The following FAM83D variants were observed in gnomAD, a reference collection of about 807,000 sequenced individuals.
FAM83D encodes scaffolding CK1 anchoring protein D.
Under a neutral mutation model 25.4 loss-of-function variants are expected in FAM83D, and 26 were observed. That is an observed-to-expected ratio of 1.02 (90% confidence interval 0.75 to 1.42). The LOEUF is 1.42. Ranked by LOEUF, FAM83D falls within the 40% of genes most tolerant of loss-of-function variation. The pLI is 0.00. For missense variants in FAM83D, 740 were observed against 758.1 expected (o/e 0.98, Z 0.28); for synonymous variants, 310 against 318.5 (o/e 0.97, Z 0.28).
Position 38,943,422 on chromosome 20 carries a change from G to C in FAM83D, c.651+1296G>C, listed in dbSNP as rs529744844. On this transcript the variant is annotated intron_variant, in intron 2 of 3. Transcript: ENST00000619850. The stretch of plus-strand genomic sequence containing the variant: ...TTTTAGACCAGGAAATAGTGACACA[G>C]AGAATCCAAGTGTCCACCACTTCAA... Among the ~76,000 whole-genome samples the C allele has an allele frequency of 1.7e-3, 257 of 152,324 alleles. 1 individual carries two copies. The highest frequency in any genetic ancestry group is 5.8e-3 in the African/African-American group (243 of 41,554).
At chr20:38,943,079 C>T (rs1474067980) in intron 2 of FAM83D, among the ~76,000 whole-genome samples, 1 of 150,446 alleles carries the variant, frequency 6.6e-6, no homozygotes, top group African/African-American at 2.5e-5. Context: ...GGCTGGAGTA[C>T]AGTGGCCCAA....
intron 1 of FAM83D, among the ~76,000 whole-genome samples, chr20:38,927,225 C>CT (rs757386573): frequency 5.9e-5 from 9 of 152,300 alleles, no homozygotes; most frequent in Admixed American, 3.3e-4. Flanking sequence ...CAGAAGTACT[C>CT]TGAGTTCCAA....
chr20:38,946,197 C>CAAAA (rs56740383), intron 2 of FAM83D, among the ~76,000 whole-genome samples: 22 of 78,494 alleles, frequency 2.8e-4, no homozygotes, highest in Non-Finnish European at 4.6e-4. Context: ...GACTCCACCT[C>CAAAA]AAAAAAAAAA....
At chr20:38,941,894 A>G in intron 1 of FAM83D, 65 bp from the exon 2 acceptor site, 1 of 1,526,572 alleles carries the variant, frequency 6.6e-7, no homozygotes, top group East Asian at 2.3e-5. Flanking sequence ...TCCAGAGTCC[A>G]GAGAGCGTGC....
Position 38,951,815 on chromosome 20 carries a change from CGCAGAGGGCAAG to C in FAM83D, c.1060_1071del (p.Gly354_Glu357del). ...AGGCGGACCTGGACCCAGAGATGCCCGCAGAGGGCAAGGCAGAGCGCAAGCCCCATGACTGTG... is the reference window on the plus strand; with the variant it reads ...AGGCGGACCTGGACCCAGAGATGCCCGCAGAGCGCAAGCCCCATGACTGTG... On this transcript the variant is annotated inframe_deletion, in exon 4 of 4. Transcript: ENST00000619850. 1 of 1,614,170 alleles carries C rather than the reference CGCAGAGGGCAAG, an allele frequency of 6.2e-7. No homozygotes were observed. Among genetic ancestry groups the C allele is most frequent in the Non-Finnish European group, 8.5e-7 (1 of 1,180,030 alleles).
chr20:38,926,567 G>A lies in FAM83D; in HGVS notation c.125G>A (p.Gly42Asp), dbSNP rs2085635456. Reference sequence around the variant, plus strand: ...CTGGCTCTGGAGGAGCTGGTGGCGGGCGGCCCCGAAGCCTTCGCGGCCTTC... The same window carrying A: ...CTGGCTCTGGAGGAGCTGGTGGCGGACGGCCCCGAAGCCTTCGCGGCCTTC... ...RRLALEELVA[G>D]GPEAFAAFLR... Residue 42 changes from glycine (G) to aspartate (D), a missense_variant, in exon 1 of 4, where the codon GGC becomes GAC. Transcript: ENST00000619850. 2 of 1,566,362 alleles carry A rather than the reference G, an allele frequency of 1.3e-6. No individual in the cohort carries two copies. Among genetic ancestry groups the A allele is most frequent in the Middle Eastern group, 1.7e-4 (1 of 6,006 alleles).
At chr20:38,929,138 C>A (rs2085648501) in intron 1 of FAM83D, among the ~76,000 whole-genome samples, 1 of 149,560 alleles carries the variant, frequency 6.7e-6, no homozygotes, top group African/African-American at 2.5e-5. Context: ...GATCACACCA[C>A]TGGACTCCAG....
chr20:38,936,782 G>C (rs1489626089), intron 1 of FAM83D, among the ~76,000 whole-genome samples: 4 of 152,106 alleles, frequency 2.6e-5, no homozygotes, highest in Non-Finnish European at 5.9e-5. Flanking sequence ...ATGGGGTTTT[G>C]AAATTTCTAG....
chr20:38,930,909 T>G (rs1248826443), intron 1 of FAM83D, among the ~76,000 whole-genome samples: 2 of 152,232 alleles, frequency 1.3e-5, no homozygotes, highest in Non-Finnish European at 2.9e-5. Context: ...ATGCTGGGAT[T>G]ACAGGCGTGA....
At chr20:38,950,977 G>T (rs1262452138) in intron 3 of FAM83D, among the ~76,000 whole-genome samples, 1 of 152,002 alleles carries the variant, frequency 6.6e-6, no homozygotes, top group Non-Finnish European at 1.5e-5. Flanking sequence ...GCACCACCAC[G>T]CCTGGCTAAT....
Position 38,952,569 on chromosome 20 carries a change from C to T in FAM83D, c.*49C>T. On this transcript the variant is annotated 3_prime_UTR_variant, in exon 4 of 4. Transcript: ENST00000619850. ...TTTCTTCCAGGCTTACAGTGGACAT[C>T]ATCAGCTTCCTGCTTTAAAAAATAT... The T allele has an allele frequency of 6.5e-7, 1 of 1,549,622 alleles. No individual in the cohort carries two copies.
At chr20:38,937,367 G>A (rs1400186902) in intron 1 of FAM83D, among the ~76,000 whole-genome samples, 1 of 152,224 alleles carries the variant, frequency 6.6e-6, no homozygotes, top group Non-Finnish European at 1.5e-5. Flanking sequence ...AGGAGTGGGA[G>A]CAGTGGCCAA....
intron 1 of FAM83D, among the ~76,000 whole-genome samples, chr20:38,936,250 C>T (rs1179730326): frequency 2.6e-5 from 4 of 152,030 alleles, no homozygotes; most frequent in East Asian, 1.9e-4. Flanking sequence ...AATGACTGGC[C>T]CTGAGGGGCC....
At chr20:38,945,452 A>G (rs539531338) in intron 2 of FAM83D, among the ~76,000 whole-genome samples, 1 of 152,270 alleles carries the variant, frequency 6.6e-6, no homozygotes, top group Non-Finnish European at 1.5e-5. Context: ...TACAAAAATA[A>G]TATAAGAAAT....
rs768677835 is a variant in FAM83D at position 38,951,553 on chromosome 20, A to G, written c.791A>G (p.Asp264Gly). The G allele has an allele frequency of 6.2e-7, 1 of 1,612,144 alleles. No homozygotes were observed. The highest frequency in any genetic ancestry group is 1.1e-5 in the South Asian group (1 of 90,784). ...ATGSYSFTWT[D>G]GKLNSSNLVI... ...TAATCTTTAAGTTTTACATGGACGG[A>G]TGGCAAATTAAACAGCAGTAACTTG... The change falls in exon 4 of 4, where the codon GAT (aspartate) becomes GGT (glycine). Residue 264 changes from aspartate (D) to glycine (G), a missense_variant. Around this residue, in one of 3 missense-constraint regions of FAM83D, gnomAD observed 375 missense variants for 403.2 expected, o/e 0.93. Transcript: ENST00000619850.
intron 1 of FAM83D, among the ~76,000 whole-genome samples, chr20:38,933,602 T>C (rs948135306): frequency 1.3e-5 from 2 of 152,198 alleles, no homozygotes; most frequent in African/African-American, 4.8e-5. Flanking sequence ...AGGTTAAGGA[T>C]TTTAGAATTT....
At chr20:38,946,047 A>C (rs2085726390) in intron 2 of FAM83D, among the ~76,000 whole-genome samples, 1 of 151,944 alleles carries the variant, frequency 6.6e-6, no homozygotes, top group South Asian at 2.1e-4. Context: ...GTCTCTACTA[A>C]AAATACAAAA....
chr20:38,938,069 G>C (rs1440322240), intron 1 of FAM83D, among the ~76,000 whole-genome samples: 1 of 152,184 alleles, frequency 6.6e-6, no homozygotes, highest in Non-Finnish European at 1.5e-5. Flanking sequence ...TCAACCCTAC[G>C]CACCCTGATG....
rs371843745 is a variant in FAM83D at position 38,947,864 on chromosome 20, C to G, written c.652-12C>G. On this transcript the variant is annotated splice_polypyrimidine_tract_variant and intron_variant, in intron 2 of 3. Coordinates refer to ENST00000619850, the MANE Select transcript of FAM83D (RefSeq NM_030919.3). ...ATTGTTCATTTATATTTCTCCCACT[C>G]CCTGCCAACAGTTAATGACAGTTCG... The G allele has an allele frequency of 3.1e-6, 5 of 1,613,274 alleles. No homozygotes were observed. The highest frequency in any genetic ancestry group is 1.7e-5 in the Admixed American group (1 of 59,914).
Sources: allele counts gnomAD v4.1 joint callset (sites outside exome capture counted in the v4.1 genomes callset), GRCh38; gene constraint gnomAD v4.1.1; regional missense constraint gnomAD v4.1.1; transcripts MANE v1.5; gene names NCBI Gene and HGNC (gene_info 2026-07-23, HGNC 2026-07-21).